Variants in NOP9 observed in about 807,000 individuals in gnomAD.
NOP9 encodes nucleolar protein 9.
In NOP9, 50 loss-of-function variants were observed where a neutral mutation model predicts 63.0. The ratio of observed to expected loss-of-function variants is 0.79; its 90% CI spans 0.63 to 1.00. NOP9 has a LOEUF of 1.00. Ranked by LOEUF, NOP9 falls within the 50% of genes least tolerant of loss-of-function variation. The pLI is 0.00. For missense variants in NOP9, 758 were observed against 803.0 expected (o/e 0.94, Z 0.68); for synonymous variants, 343 against 332.8 (o/e 1.03, Z -0.33).
At chr14:24,304,848 C>G (rs1185963640) in intron 9 of NOP9, 90 bp from the exon 10 acceptor site, 1 of 1,414,284 alleles carries the variant, frequency 7.1e-7, no homozygotes, top group Admixed American at 2.5e-5. Context: ...GTGGCAGTCC[C>G]AGGGTCTGGG....
At chr14:24,296,707 T>C (rs746343449), upstream of NOP9, 20 of 1,614,014 alleles carry the variant, frequency 1.2e-5, no homozygotes, top group Non-Finnish European at 1.6e-5. Flanking sequence ...AGGTCAGAAA[T>C]GTGGAGTTGG....
chr14:24,274,798 C>CG, the NOP9 span, among the ~76,000 whole-genome samples: 1 of 150,508 alleles, frequency 6.6e-6, no homozygotes, highest in African/African-American at 2.4e-5. Context: ...TTAGTAGAGA[C>CG]GGGGTTTCAC....
intron 9 of NOP9, 134 bp downstream of exon 9, chr14:24,304,732 C>T: frequency 1.1e-6 from 1 of 900,742 alleles, no homozygotes. Context: ...GGGTTCTTAG[C>T]AGTCTGCTTT....
rs1316969330 is a variant in NOP9 at position 24,300,057 on chromosome 14, C to T, written c.103C>T (p.Arg35Cys). The change falls in exon 1 of 10, where the codon CGT (arginine) becomes TGT (cysteine). Residue 35 changes from arginine to cysteine, a missense_variant. Coordinates refer to ENST00000267425, the MANE Select transcript of NOP9 (RefSeq NM_174913.3). ...AKGSGRPLPG[R>C]KRQPWPPPDG... ...GGGGTCGGGGCGCCCCTTACCAGGC[C>T]GTAAGCGGCAACCCTGGCCGCCTCC... 3 of 1,611,962 alleles carry T rather than the reference C, an allele frequency of 1.9e-6. No individual in the cohort carries two copies. Among genetic ancestry groups the T allele is most frequent in the Non-Finnish European group, 2.5e-6 (3 of 1,179,626 alleles).
At chr14:24,281,878 C>G in the NOP9 span, among the ~76,000 whole-genome samples, 175 of 139,546 alleles carry the variant, frequency 1.3e-3, 1 homozygote, top group African/African-American at 4.7e-3. Context: ...AGTCCCCAAC[C>G]CTTCCTCTAC....
the NOP9 span, chr14:24,292,836 G>A: frequency 1.3e-6 from 2 of 1,567,328 alleles, no homozygotes; most frequent in Non-Finnish European, 8.6e-7. Context: ...TGCTGGCCTG[G>A]GTGCCACAGC....
chr14:24,290,704 G>T, the NOP9 span: 61 of 873,298 alleles, frequency 7.0e-5, no homozygotes, highest in Non-Finnish European at 1.0e-4. Context: ...AGGGACCTAG[G>T]CGCACCCCAG....
At chr14:24,283,016 C>T in the NOP9 span, among the ~76,000 whole-genome samples, 1 of 152,236 alleles carries the variant, frequency 6.6e-6, no homozygotes, top group South Asian at 2.1e-4. Flanking sequence ...GCAGAACTCT[C>T]AGCACATGAC....
chr14:24,277,797 A>T, the NOP9 span, among the ~76,000 whole-genome samples: 1 of 152,240 alleles, frequency 6.6e-6, no homozygotes, highest in Non-Finnish European at 1.5e-5. Flanking sequence ...ACCTCTGGGA[A>T]TCTTGGGTGG....
In NOP9 at chr14:24,306,426, TCC is replaced by T; in HGVS notation, c.*1332_*1333del. 10 of 1,614,222 alleles carry T rather than the reference TCC, an allele frequency of 6.2e-6. No individual in the cohort carries two copies. Among genetic ancestry groups the T allele is most frequent in the Non-Finnish European group, 8.5e-6 (10 of 1,180,040 alleles). Reference sequence around the variant, plus strand: ...CTGCAACACCATCAGGCACGTGTCATCCTCCAGCAGCTGGAAGAAGTCCTCAC... The same window carrying T: ...CTGCAACACCATCAGGCACGTGTCATTCCAGCAGCTGGAAGAAGTCCTCAC... On this transcript the variant is annotated 3_prime_UTR_variant, in exon 10 of 10. Transcript: ENST00000267425.
At position 24,300,414 on chromosome 14, in the gene NOP9, T is replaced by G; in HGVS notation, c.254T>G (p.Met85Arg). 1 of 1,611,628 alleles carries G rather than the reference T, an allele frequency of 6.2e-7. No individual in the cohort carries two copies. The highest frequency in any genetic ancestry group is 1.3e-5 in the African/African-American group (1 of 74,968). The change falls in exon 2 of 10, where the codon ATG becomes AGG. Residue 85 changes from methionine to arginine, a missense_variant. By Grantham distance (91) the Met-to-Arg change is moderately conservative (BLOSUM62 -1). Coordinates refer to ENST00000267425, the MANE Select transcript of NOP9 (RefSeq NM_174913.3). ...GTCTTTCTTCCCTTTTCAGATCTGA[T>G]GGTGCACAATATAATGAAGGAAGTA... ...APETGEERDL[M>R]VHNIMKEVET...
chr14:24,308,011 C>T lies in NOP9; in HGVS notation c.*2916C>T, dbSNP rs1490786076. 2.8e-6 allele frequency: 2 copies of T among 715,216 alleles called. No homozygotes were observed. Among genetic ancestry groups the T allele is most frequent in the Non-Finnish European group, 4.9e-6 (2 of 407,082 alleles). 44.3% of individuals were successfully genotyped at this position (715,216 alleles called of 1,614,324 possible). On this transcript the variant is annotated 3_prime_UTR_variant, in exon 10 of 10. Transcript: ENST00000267425. ...CCTGGACTCTGGCCCCCCTGCCTGG[C>T]CAGTAAGAAGGGCAAAGTCCAAGGG... is the stretch of plus-strand genomic sequence containing the variant.
intron 6 of NOP9, 143 bp downstream of exon 6, chr14:24,303,357 C>A: frequency 1.0e-6 from 1 of 1,000,684 alleles, no homozygotes; most frequent in Non-Finnish European, 1.5e-6. Flanking sequence ...AAAATGAGGC[C>A]TATAGGTGCC....
the NOP9 span, among the ~76,000 whole-genome samples, chr14:24,288,553 T>C: frequency 2.0e-5 from 3 of 152,170 alleles, no homozygotes; most frequent in African/African-American, 4.8e-5. Context: ...TTTCACCATG[T>C]TGGCCAGGCT....
the NOP9 span, among the ~76,000 whole-genome samples, chr14:24,276,050 AT>A: frequency 6.6e-6 from 1 of 151,770 alleles, no homozygotes; most frequent in East Asian, 1.9e-4. Context: ...TGAATTTTTC[AT>A]TTTTTTTCAT....
At chr14:24,275,936 T>C in the NOP9 span, among the ~76,000 whole-genome samples, 1 of 152,244 alleles carries the variant, frequency 6.6e-6, no homozygotes, top group Non-Finnish European at 1.5e-5. Flanking sequence ...GATAGAACTT[T>C]CTGTGACAAT....
the NOP9 span, chr14:24,290,766 GT>G: frequency 6.6e-7 from 1 of 1,525,890 alleles, no homozygotes; most frequent in African/African-American, 1.4e-5. Flanking sequence ...AAGGGTATGG[GT>G]AAACAAGAAA....
intron 7 of NOP9, 23 bp downstream of exon 7, chr14:24,303,880 C>T: frequency 2.5e-6 from 4 of 1,611,746 alleles, no homozygotes; most frequent in Non-Finnish European, 3.4e-6. Flanking sequence ...AGAGGCCAAG[C>T]CAGTGACTAA....
At chr14:24,303,619 GC>G in intron 6 of NOP9, 112 bp from the exon 7 acceptor site, 9 of 1,077,992 alleles carry the variant, frequency 8.3e-6, no homozygotes, top group Non-Finnish European at 1.3e-5. Flanking sequence ...CTTTCATGGA[GC>G]TAACATTCTT....
Sources: allele counts gnomAD v4.1 joint callset (sites outside exome capture counted in the v4.1 genomes callset), GRCh38; gene constraint gnomAD v4.1.1; transcripts MANE v1.5; gene names NCBI Gene and HGNC (gene_info 2026-07-23, HGNC 2026-07-21).